The following NOL9 variants were observed in gnomAD, a reference collection of about 807,000 sequenced individuals.
NOL9 encodes the protein polynucleotide 5'-hydroxyl-kinase NOL9.
A neutral mutation model predicts 67.9 loss-of-function variants in NOL9; 28 were observed. The ratio of observed to expected loss-of-function variants is 0.41; its 90% CI spans 0.31 to 0.57. The LOEUF is 0.57. NOL9 is among the 20% of genes least tolerant of loss of function. The pLI is 0.25. For missense variants in NOL9, 777 were observed against 897.0 expected (o/e 0.87, Z 1.71); for synonymous variants, 356 against 352.2 (o/e 1.01, Z -0.12).
intron 5 of NOL9, among the ~76,000 whole-genome samples, chr1:6,542,128 C>T (rs894785265): frequency 6.7e-6 from 1 of 149,802 alleles, no homozygotes; most frequent in Non-Finnish European, 1.5e-5. Flanking sequence ...GTCACAATGT[C>T]CATTTGTAAC....
chr1:6,541,362 AG>A (rs1193508438), intron 6 of NOL9, among the ~76,000 whole-genome samples: 1 of 152,052 alleles, frequency 6.6e-6, no homozygotes, highest in Non-Finnish European at 1.5e-5. Flanking sequence ...TTGTATTTGT[AG>A]TAGAGATGGG....
chr1:6,554,160 G>C lies in NOL9; in HGVS notation c.343C>G (p.Pro115Ala). 1 of 1,530,742 alleles carries C rather than the reference G, an allele frequency of 6.5e-7. No homozygotes were observed. Among genetic ancestry groups the C allele is most frequent in the East Asian group, 2.7e-5 (1 of 37,674 alleles). The allele number at this position is 1,530,742 out of a possible 1,614,324, so 94.8% of individuals were successfully genotyped here. A position where few individuals can be genotyped will look rare whatever the true frequency, so the allele number is the denominator to read the frequency against. ...CGGCCGGGGCCCACGGGCCGCACCG[G>C]TGGGATGAGGAGAGGCCGGTGGCAA... ...SSCHRPLLIP[P>A]VRPVGPGRAL... The change falls in exon 1 of 12, where the codon CCG (proline) becomes GCG (alanine). Residue 115 changes from proline (P) to alanine (A), a missense_variant. Pro to Ala is a conservative substitution (Grantham distance 27). Coordinates refer to ENST00000377705, the MANE Select transcript of NOL9 (RefSeq NM_024654.5).
At chr1:6,534,047 C>T (rs1639094200) in intron 6 of NOL9, among the ~76,000 whole-genome samples, 1 of 152,086 alleles carries the variant, frequency 6.6e-6, no homozygotes, top group Admixed American at 6.6e-5. Flanking sequence ...GCCACCATGC[C>T]CGGCTTATTT....
intron 5 of NOL9, among the ~76,000 whole-genome samples, chr1:6,542,303 G>A (rs1209428405): frequency 6.6e-6 from 1 of 151,654 alleles, no homozygotes; most frequent in African/African-American, 2.4e-5. Flanking sequence ...TGGGACTACA[G>A]GCACCCACCA....
intron 1 of NOL9, among the ~76,000 whole-genome samples, chr1:6,551,231 A>C (rs1374922364): frequency 6.6e-5 from 10 of 151,920 alleles, no homozygotes; most frequent in Non-Finnish European, 1.5e-4. Context: ...AGACTGCTTG[A>C]GTCTCGGAGG....
At chr1:6,529,481 G>T (rs146550480) in intron 9 of NOL9, among the ~76,000 whole-genome samples, 1 of 152,024 alleles carries the variant, frequency 6.6e-6, no homozygotes, top group Admixed American at 6.6e-5. Flanking sequence ...CCAGCTACTC[G>T]GGAGGCTAAG....
chr1:6,534,208 C>G lies in NOL9; in HGVS notation c.1076-767G>C, dbSNP rs1639098045. 2.0e-5 allele frequency among the ~76,000 whole-genome samples: 3 copies of G among 152,236 alleles called. No individual in the cohort carries two copies. The South Asian group carries it at 6.2e-4, about 32-fold the overall frequency. On this transcript the variant is annotated intron_variant, in intron 6 of 11. Transcript: ENST00000377705. The stretch of plus-strand genomic sequence containing the variant: ...AGCCAAGAGCCTCTAATTTTCATAA[C>G]CCTGTGGCAGGTAGTAGTATCCTCA...
chr1:6,542,089 C>A (rs374957744), intron 5 of NOL9, among the ~76,000 whole-genome samples, 162 bp from the exon 6 acceptor site: 1 of 151,680 alleles, frequency 6.6e-6, no homozygotes, highest in African/African-American at 2.4e-5. Context: ...TGTTTAAAAA[C>A]GAGTCCAGAG....
Position 6,525,703 on chromosome 1 carries a change from C to T in NOL9, c.*151G>A. 2.6e-6 allele frequency: 2 copies of T among 780,106 alleles called. No individual in the cohort carries two copies. The highest frequency in any genetic ancestry group is 1.7e-5 in the South Asian group (1 of 58,104). 48.3% of individuals were successfully genotyped at this position (780,106 alleles called of 1,614,324 possible). ...GCAGCTTTAAAAGAGAAACTTAAGA[C>T]TACTATATGACATTCACGAATTACA... is the stretch of plus-strand genomic sequence containing the variant. On this transcript the variant is annotated 3_prime_UTR_variant, in exon 12 of 12. Coordinates refer to ENST00000377705, the MANE Select transcript of NOL9 (RefSeq NM_024654.5).
chr1:6,529,151 T>C lies in NOL9; in HGVS notation c.1668A>G (p.Ala556=), dbSNP rs1638960991. 9 of 1,613,280 alleles carry C rather than the reference T, an allele frequency of 5.6e-6. No homozygotes were observed. The highest frequency in any genetic ancestry group is 7.6e-6 in the Non-Finnish European group (9 of 1,179,546). The change falls in exon 10 of 12, where the codon GCA becomes GCG. Residue 556 remains alanine, a synonymous_variant. Coordinates refer to ENST00000377705, the MANE Select transcript of NOL9 (RefSeq NM_024654.5). ...CGACATCAGAGTGGGTAATCCGGAG[T>C]GCGACTGCATTGAAAGGGACCTGGA... ...TPYQVPFNAV[A]LRITHSDVAP...
intron 6 of NOL9, among the ~76,000 whole-genome samples, chr1:6,537,436 C>G (rs74617090): frequency 1.3e-5 from 2 of 152,188 alleles, no homozygotes; most frequent in Admixed American, 1.3e-4. Flanking sequence ...AAAGAGACAA[C>G]CCTCAGAATG....
chr1:6,553,699 G>A (rs1188321929), intron 1 of NOL9, among the ~76,000 whole-genome samples: 3 of 151,912 alleles, frequency 2.0e-5, no homozygotes, highest in African/African-American at 4.8e-5. Flanking sequence ...AAATATAGCC[G>A]GGCGAGGTGG....
In NOL9 at chr1:6,550,415, G is replaced by T. The variant is rs781488221; in HGVS notation, c.597C>A (p.Leu199=). The part of the protein sequence containing the change: ...KELKREARNL[L]KSHLNLDDRR... ...CATTACCAAGGTTAAGATGAGATTT[G>T]AGCAAATTCCGGGCTTCCCTTTTCA... is the stretch of plus-strand genomic sequence containing the variant. Residue 199 remains leucine (L), a synonymous_variant, in exon 2 of 12, where the codon CTC becomes CTA. Coordinates refer to ENST00000377705, the MANE Select transcript of NOL9 (RefSeq NM_024654.5). 1 of 1,613,976 alleles carries T rather than the reference G, an allele frequency of 6.2e-7. No homozygotes were observed. The highest frequency in any genetic ancestry group is 1.1e-5 in the South Asian group (1 of 91,046).
At chr1:6,541,375 T>C (rs1374265022) in intron 6 of NOL9, among the ~76,000 whole-genome samples, 1 of 151,932 alleles carries the variant, frequency 6.6e-6, no homozygotes, top group Non-Finnish European at 1.5e-5. Flanking sequence ...AGAGATGGGG[T>C]TTCCCCATGT....
chr1:6,533,565 C>T (rs1639082476), intron 6 of NOL9, 124 bp from the exon 7 acceptor site: 3 of 639,748 alleles, frequency 4.7e-6, no homozygotes, highest in Non-Finnish European at 4.9e-6. Context: ...AATCTGAGAC[C>T]ATCCTACCTA....
Position 6,554,350 on chromosome 1 carries a change from C to A in NOL9, c.153G>T (p.Arg51=). ...CGCCGGACGCCTGGGCTTGCAGTAA[C>A]CGCCACCGTAGGCGCCGCCGACCGC... ...RWCGRRRLRW[R]LLQAQASGVD... is the part of the protein sequence containing the mutation. Residue 51 remains arginine, a synonymous_variant, in exon 1 of 12, where the codon CGG becomes CGT. Transcript: ENST00000377705. The A allele has an allele frequency of 6.9e-7, 1 of 1,459,306 alleles. No homozygotes were observed. The highest frequency in any genetic ancestry group is 9.0e-7 in the Non-Finnish European group (1 of 1,113,516). 90.4% of individuals were successfully genotyped at this position (1,459,306 alleles called of 1,614,324 possible). A position where few individuals can be genotyped will look rare whatever the true frequency, so the allele number is the denominator to read the frequency against.
At position 6,533,268 on chromosome 1, in the gene NOL9, A is replaced by G. The variant is rs547514345; in HGVS notation, c.1237+12T>C. The G allele has an allele frequency of 3.2e-6, 5 of 1,576,478 alleles. No individual in the cohort carries two copies. Among genetic ancestry groups the G allele is most frequent in the African/African-American group, 1.4e-5 (1 of 73,950 alleles). ...CTGTCCTTCCCTTGCAGATGTGCACATGCAGGCTTACCTGAAACCCATCCC... is the reference window on the plus strand; with the variant it reads ...CTGTCCTTCCCTTGCAGATGTGCACGTGCAGGCTTACCTGAAACCCATCCC... On this transcript the variant is annotated intron_variant, in intron 7 of 11. Coordinates refer to ENST00000377705, the MANE Select transcript of NOL9 (RefSeq NM_024654.5).
At chr1:6,552,801 C>T (rs1639571354) in intron 1 of NOL9, among the ~76,000 whole-genome samples, 1 of 151,982 alleles carries the variant, frequency 6.6e-6, no homozygotes, top group Non-Finnish European at 1.5e-5. Flanking sequence ...TTTCTTTTCC[C>T]CTCCCTCCTT....
intron 3 of NOL9, among the ~76,000 whole-genome samples, chr1:6,545,668 T>G (rs1353098773): frequency 6.6e-6 from 1 of 151,966 alleles, no homozygotes; most frequent in Non-Finnish European, 1.5e-5. Context: ...TAAGGCTCAG[T>G]TGGAACCAGC....
Sources: allele counts gnomAD v4.1 joint callset (sites outside exome capture counted in the v4.1 genomes callset), GRCh38; gene constraint gnomAD v4.1.1; transcripts MANE v1.5; gene names NCBI Gene and HGNC (gene_info 2026-07-23, HGNC 2026-07-21).